The following FSTL5 variants were observed in gnomAD, a reference collection of about 807,000 sequenced individuals.
FSTL5 encodes the protein follistatin like 5.
A neutral mutation model predicts 89.1 loss-of-function variants in FSTL5; 62 were observed. The observed-to-expected ratio is 0.70, with a 90% CI of 0.57 to 0.86. FSTL5 has a LOEUF of 0.86. Among genes scored for constraint, FSTL5 ranks in the 40% least tolerant of loss-of-function variants. The probability of loss-of-function intolerance (pLI) is 0.00; values close to 1 mark genes in which losing one functional copy is unlikely to be tolerated. For missense variants in FSTL5, 1,057 were observed against 1,001.6 expected (o/e 1.06, Z -0.75); for synonymous variants, 383 against 346.2 (o/e 1.11, Z -1.18).
chr4:161,481,083 A>G lies in FSTL5; in HGVS notation c.1545T>C (p.Tyr515=), dbSNP rs768770120. 1.9e-6 allele frequency: 3 copies of G among 1,613,372 alleles called. No individual in the cohort carries two copies. Among genetic ancestry groups the G allele is most frequent in the South Asian group, 1.1e-5 (1 of 90,966 alleles). ...SAVNVKDKFI[Y]VAQPTLDRVL... Reference sequence around the variant, plus strand: ...CTCTGTCCAAAGTTGGCTGTGCAACATAAATGAACTTGTCTTTGACATTAA... The same window carrying G: ...CTCTGTCCAAAGTTGGCTGTGCAACGTAAATGAACTTGTCTTTGACATTAA... The change falls in exon 13 of 16, where the codon TAT becomes TAC. Residue 515 remains tyrosine (Y), a synonymous_variant. Coordinates refer to ENST00000306100, the MANE Select transcript of FSTL5 (RefSeq NM_020116.5).
intron 10 of FSTL5, among the ~76,000 whole-genome samples, chr4:161,518,488 T>C (rs983492105): frequency 6.6e-6 from 1 of 152,128 alleles, no homozygotes; most frequent in African/African-American, 2.4e-5. Flanking sequence ...TCGGAAGTTG[T>C]CTAACTATGT....
intron 4 of FSTL5, among the ~76,000 whole-genome samples, chr4:161,837,657 C>T (rs529064155): frequency 5.5e-4 from 83 of 152,040 alleles, no homozygotes; most frequent in Non-Finnish European, 1.1e-3. Flanking sequence ...ATAGCCTGTT[C>T]ATGATTCATA....
intron 3 of FSTL5, among the ~76,000 whole-genome samples, chr4:162,021,784 T>A (rs1022418573): frequency 2.0e-5 from 3 of 151,752 alleles, no homozygotes; most frequent in Admixed American, 6.6e-5. Context: ...AAGGTAGGAG[T>A]TTGCTGGGTA....
intron 7 of FSTL5, among the ~76,000 whole-genome samples, chr4:161,595,755 A>G (rs1455088077): frequency 6.6e-6 from 1 of 151,976 alleles, no homozygotes; most frequent in Non-Finnish European, 1.5e-5. Context: ...ATATTTAACC[A>G]CAGGTTTTTA....
chr4:161,842,523 A>G (rs1422794813), intron 4 of FSTL5, among the ~76,000 whole-genome samples: 3 of 152,140 alleles, frequency 2.0e-5, no homozygotes, highest in African/African-American at 4.8e-5. Flanking sequence ...CATCTGTTTT[A>G]AGTATAACTC....
intron 4 of FSTL5, among the ~76,000 whole-genome samples, chr4:161,840,265 G>C (rs959504161): frequency 6.6e-6 from 1 of 152,046 alleles, no homozygotes; most frequent in African/African-American, 2.4e-5. Context: ...GAGTGAAAAG[G>C]GTGAAGATAA....
chr4:161,577,834 T>C (rs1193948881), intron 8 of FSTL5, among the ~76,000 whole-genome samples: 1 of 152,118 alleles, frequency 6.6e-6, no homozygotes, highest in Non-Finnish European at 1.5e-5. Flanking sequence ...AGGTGCCATA[T>C]GAGTTGGATT....
intron 4 of FSTL5, among the ~76,000 whole-genome samples, chr4:161,782,445 T>C (rs2126811026): frequency 6.6e-6 from 1 of 152,286 alleles, no homozygotes; most frequent in African/African-American, 2.4e-5. Context: ...CTAATAATTG[T>C]GTAGTGGTAG....
chr4:161,513,274 A>G (rs13340327), intron 10 of FSTL5, among the ~76,000 whole-genome samples: 124 of 3,808 alleles, frequency 0.033, 3 homozygotes, highest in African/African-American at 0.067. Flanking sequence ...AAGGAGGGGG[A>G]GAGAGAGAGA....
At chr4:161,424,770 T>G (rs867109740) in intron 15 of FSTL5, among the ~76,000 whole-genome samples, 9 of 152,168 alleles carry the variant, frequency 5.9e-5, no homozygotes, top group Admixed American at 5.2e-4. Flanking sequence ...CAAATGAAAA[T>G]GAAGTCACTT....
chr4:161,696,711 A>G (rs114010995), intron 6 of FSTL5, among the ~76,000 whole-genome samples: 2,288 of 152,022 alleles, frequency 0.015, 51 homozygotes, highest in African/African-American at 0.047. Flanking sequence ...TTTTGCAGCT[A>G]TTGTAAAAGG....
intron 3 of FSTL5, among the ~76,000 whole-genome samples, chr4:161,970,668 G>T (rs933546930): frequency 2.6e-5 from 4 of 151,922 alleles, no homozygotes; most frequent in African/African-American, 9.7e-5. Context: ...ACTCTCTAAG[G>T]TTAGACTATT....
chr4:161,535,002 G>C (rs1413203406), intron 10 of FSTL5, among the ~76,000 whole-genome samples: 2 of 152,062 alleles, frequency 1.3e-5, no homozygotes. Context: ...ATCATCTTGC[G>C]ATAACTGGCT....
chr4:161,398,243 A>G (rs1484788229), intron 15 of FSTL5, among the ~76,000 whole-genome samples: 2 of 152,124 alleles, frequency 1.3e-5, no homozygotes, highest in Non-Finnish European at 2.9e-5. Context: ...AAGAAAATGT[A>G]GAAATATTCA....
At chr4:161,733,454 T>A (rs1009486253) in intron 6 of FSTL5, among the ~76,000 whole-genome samples, 2 of 152,046 alleles carry the variant, frequency 1.3e-5, no homozygotes, top group Non-Finnish European at 2.9e-5. Flanking sequence ...TTTTGCTTAA[T>A]TTCATATCTG....
At chr4:161,752,866 C>T (rs1740446954) in intron 6 of FSTL5, among the ~76,000 whole-genome samples, 1 of 152,056 alleles carries the variant, frequency 6.6e-6, no homozygotes, top group Non-Finnish European at 1.5e-5. Context: ...TATGAGACAC[C>T]AGACAGCGTT....
intron 6 of FSTL5, among the ~76,000 whole-genome samples, chr4:161,702,972 TG>T (rs2126731394): frequency 6.6e-6 from 1 of 152,092 alleles, no homozygotes; most frequent in South Asian, 2.1e-4. Flanking sequence ...AATGAGACAT[TG>T]GGGTGGGCTC....
intron 15 of FSTL5, among the ~76,000 whole-genome samples, chr4:161,427,481 C>A (rs1732205887): frequency 6.6e-6 from 1 of 152,172 alleles, no homozygotes; most frequent in African/African-American, 2.4e-5. Context: ...AACAGCATTG[C>A]TAAGTATTCC....
chr4:162,040,491 C>T (rs1301388171), intron 2 of FSTL5, among the ~76,000 whole-genome samples: 1 of 151,830 alleles, frequency 6.6e-6, no homozygotes, highest in African/African-American at 2.4e-5. Flanking sequence ...TTATCAAAAA[C>T]AACTATTTTG....
Sources: allele counts gnomAD v4.1 joint callset (sites outside exome capture counted in the v4.1 genomes callset), GRCh38; gene constraint gnomAD v4.1.1; transcripts MANE v1.5; gene names NCBI Gene and HGNC (gene_info 2026-07-23, HGNC 2026-07-21).